PRDM5: variants seen among roughly 807,000 people sequenced by gnomAD.
The protein encoded by PRDM5 is PR domain zinc finger protein 5.
PRDM5 carries 56 observed loss-of-function variants against 81.2 expected under a neutral mutation model. The observed-to-expected ratio is 0.69, with a 90% CI of 0.56 to 0.86. PRDM5 has a LOEUF of 0.86. Among genes scored for constraint, PRDM5 ranks in the 40% least tolerant of loss-of-function variants. The pLI, the probability that PRDM5 is intolerant of heterozygous loss-of-function variation, is 0.00. For missense variants in PRDM5, 697 were observed against 770.1 expected (o/e 0.91, Z 1.12); for synonymous variants, 267 against 256.4 (o/e 1.04, Z -0.39).
chr4:120,918,408 T>C (rs1289072869), intron 1 of PRDM5, among the ~76,000 whole-genome samples: 1 of 152,174 alleles, frequency 6.6e-6, no homozygotes, highest in Non-Finnish European at 1.5e-5. Flanking sequence ...CCATGTTTCT[T>C]CAGACAAGTC....
chr4:120,691,654 A>G (rs984854591), downstream of PRDM5, among the ~76,000 whole-genome samples: 1 of 152,084 alleles, frequency 6.6e-6, no homozygotes, highest in East Asian at 1.9e-4. Flanking sequence ...TCCTTTTCAC[A>G]TTGTTCTTTG....
chr4:120,896,892 C>T (rs1340074312), intron 2 of PRDM5: 2 of 151,930 alleles, frequency 1.3e-5, no homozygotes, highest in Non-Finnish European at 2.9e-5. Context: ...ATCGTGTTCG[C>T]TAGGATGGTC....
chr4:120,796,828 ATAT>A (rs1342848192), intron 10 of PRDM5, among the ~76,000 whole-genome samples: 1 of 152,190 alleles, frequency 6.6e-6, no homozygotes, highest in African/African-American at 2.4e-5. Context: ...TATCCCATAA[ATAT>A]TATAATAATT....
chr4:120,865,668 T>G (rs17417539), intron 2 of PRDM5, among the ~76,000 whole-genome samples: 1 of 152,032 alleles, frequency 6.6e-6, no homozygotes, highest in Non-Finnish European at 1.5e-5. Context: ...CACTCCCTGG[T>G]CCTCAACATG....
chr4:120,826,601 G>A (rs1561401308), intron 3 of PRDM5, among the ~76,000 whole-genome samples: 1 of 151,918 alleles, frequency 6.6e-6, no homozygotes, highest in Non-Finnish European at 1.5e-5. Context: ...ATAATAGGTA[G>A]TAAAATACTT....
intron 15 of PRDM5, among the ~76,000 whole-genome samples, chr4:120,695,539 G>A (rs1475270909): frequency 3.3e-5 from 5 of 151,934 alleles, no homozygotes; most frequent in Non-Finnish European, 7.4e-5. Flanking sequence ...AATGCTTTAC[G>A]GTCTAGATGG....
intron 7 of PRDM5, among the ~76,000 whole-genome samples, chr4:120,815,905 A>G (rs1754428402): frequency 6.6e-6 from 1 of 152,202 alleles, no homozygotes; most frequent in Admixed American, 6.5e-5. Context: ...AACCCAAAAG[A>G]CAGTCAAATT....
chr4:120,821,375 A>G (rs374436326), intron 3 of PRDM5, 30 bp from the exon 4 acceptor site: 24 of 1,580,214 alleles, frequency 1.5e-5, no homozygotes, highest in Non-Finnish European at 2.0e-5. Flanking sequence ...ATGCTGAACC[A>G]TTCATTTGTT....
At chr4:120,881,188 A>G (rs1762808622) in intron 2 of PRDM5, among the ~76,000 whole-genome samples, 1 of 152,214 alleles carries the variant, frequency 6.6e-6, no homozygotes, top group Admixed American at 6.5e-5. Flanking sequence ...TTGGTGAGAA[A>G]ACACAAATCA....
At chr4:120,818,042 C>T (rs1386177299) in intron 5 of PRDM5, 2 of 243,264 alleles carry the variant, frequency 8.2e-6, no homozygotes, top group Non-Finnish European at 1.6e-5. Flanking sequence ...GTAGGCATAT[C>T]TGAATTTCAG....
At chr4:120,884,248 C>T (rs969706872) in intron 2 of PRDM5, among the ~76,000 whole-genome samples, 12 of 152,058 alleles carry the variant, frequency 7.9e-5, no homozygotes, top group African/African-American at 2.7e-4. Flanking sequence ...ACATTAATGT[C>T]GTATGTATTG....
intron 10 of PRDM5, among the ~76,000 whole-genome samples, chr4:120,789,842 G>C (rs1259284315): frequency 6.6e-6 from 1 of 152,166 alleles, no homozygotes; most frequent in East Asian, 1.9e-4. Flanking sequence ...ACATAGAGAA[G>C]TTAAAAGCAT....
chr4:120,854,664 A>C (rs2148474215), intron 2 of PRDM5, among the ~76,000 whole-genome samples: 1 of 152,270 alleles, frequency 6.6e-6, no homozygotes, highest in African/African-American at 2.4e-5. Context: ...ATGGAACTTA[A>C]AAGTAAACAA....
rs142867025 is a variant in PRDM5 at position 120,920,254 on chromosome 4, A to C, written c.93+2262T>G. On this transcript the variant is annotated intron_variant, in intron 1 of 15. Transcript: ENST00000264808. ...ATGGCTTGAATTGCAAGCACTTTTT[A>C]AAACAGGAGTGTTATACAAGCATAT... Among the ~76,000 whole-genome samples the C allele has an allele frequency of 1.5e-3, 226 of 152,358 alleles. 1 individual carries two copies. Among genetic ancestry groups the C allele is most frequent in the African/African-American group, 4.8e-3 (198 of 41,588 alleles).
At chr4:120,759,870 A>T (rs1745340571) in intron 13 of PRDM5, among the ~76,000 whole-genome samples, 1 of 152,254 alleles carries the variant, frequency 6.6e-6, no homozygotes, top group Non-Finnish European at 1.5e-5. Context: ...AGTAGCTAAA[A>T]ACAAATCTAA....
In PRDM5 at chr4:120,821,315, C is replaced by T. The variant is rs1483974033; in HGVS notation, c.331G>A (p.Glu111Lys). 1 of 1,614,036 alleles carries T rather than the reference C, an allele frequency of 6.2e-7. No homozygotes were observed. Among genetic ancestry groups the T allele is most frequent in the Non-Finnish European group, 8.5e-7 (1 of 1,179,992 alleles). Residue 111 changes from glutamate to lysine, a missense_variant, in exon 4 of 16, where the codon GAA becomes AAA. Physicochemically the swap from Glu to Lys is moderately conservative, Grantham distance 56. This residue lies in a region of PRDM5 where 577 missense variants were observed against 606.7 expected (regional missense o/e 0.95). Transcript: ENST00000264808. ...EGENIFYLAV[E>K]DIETDTELLI... The stretch of plus-strand genomic sequence containing the variant: ...AGCTCCGTGTCTGTTTCTATATCTT[C>T]AACTGCCAAATAGAAAATGTTTTCT...
downstream of PRDM5, among the ~76,000 whole-genome samples, chr4:120,687,676 T>G (rs75967809): frequency 0.014 from 2,130 of 152,250 alleles, 48 homozygotes; most frequent in African/African-American, 0.047. Flanking sequence ...ATGTTGAAAT[T>G]TAGTTGCCAT....
chr4:120,893,929 T>A (rs1764342542), intron 2 of PRDM5, among the ~76,000 whole-genome samples: 1 of 152,204 alleles, frequency 6.6e-6, no homozygotes, highest in African/African-American at 2.4e-5. Context: ...AGTTTTAAAA[T>A]TGTCTCTAAA....
chr4:120,734,421 T>TACACACACACACACACACACACACACAC (rs149559268), intron 14 of PRDM5, among the ~76,000 whole-genome samples: 69 of 138,176 alleles, frequency 5.0e-4, no homozygotes, highest in African/African-American at 1.7e-3. Flanking sequence ...CACACACAAA[T>TACACACACACACACACACACACACACAC]ACACACACAC....
Sources: allele counts gnomAD v4.1 joint callset (sites outside exome capture counted in the v4.1 genomes callset), GRCh38; gene constraint gnomAD v4.1.1; regional missense constraint gnomAD v4.1.1; transcripts MANE v1.5; gene names NCBI Gene and HGNC (gene_info 2026-07-23, HGNC 2026-07-21).